Variants in RTKN2 observed in about 807,000 individuals in gnomAD.
The protein encoded by RTKN2 is rhotekin 2, also known as rhotekin-2.
RTKN2 carries 69 observed loss-of-function variants against 71.5 expected under a neutral mutation model. That is an observed-to-expected ratio of 0.96 (90% CI 0.79 to 1.18). The LOEUF is 1.18. RTKN2 is among the 50% of genes most tolerant of loss of function. RTKN2 has a pLI of 0.00. For missense variants in RTKN2, 724 were observed against 719.7 expected (o/e 1.01, Z -0.07); for synonymous variants, 236 against 236.5 (o/e 1.00, Z 0.02).
intron 6 of RTKN2, 103 bp downstream of exon 6, chr10:62,235,963 G>T: frequency 1.2e-6 from 1 of 846,458 alleles, no homozygotes; most frequent in Non-Finnish European, 1.8e-6. Context: ...TTTGTTTCCT[G>T]ATGTTTTTCC....
intron 2 of RTKN2, among the ~76,000 whole-genome samples, chr10:62,261,173 G>C (rs976054260): frequency 1.3e-5 from 2 of 152,178 alleles, no homozygotes; most frequent in African/African-American, 2.4e-5. Flanking sequence ...TATGCTAATG[G>C]AACAATTTCA....
chr10:62,214,105 GC>G (rs767832179), intron 9 of RTKN2, among the ~76,000 whole-genome samples: 10 of 151,638 alleles, frequency 6.6e-5, no homozygotes, highest in Non-Finnish European at 1.5e-4. Context: ...AATTAAGATG[GC>G]AATATTGCAA....
intron 5 of RTKN2, 64 bp from the exon 6 acceptor site, chr10:62,236,327 CTTTTA>C: frequency 9.5e-7 from 1 of 1,055,934 alleles, no homozygotes. Flanking sequence ...TTATACCATT[CTTTTA>C]TGTTTATGTA....
intron 10 of RTKN2, among the ~76,000 whole-genome samples, chr10:62,203,169 A>C (rs1465317226): frequency 6.6e-6 from 1 of 152,196 alleles, no homozygotes; most frequent in East Asian, 1.9e-4. Flanking sequence ...TCAAAAAATA[A>C]AAATAAAAAT....
chr10:62,205,134 T>C (rs1455197338), intron 9 of RTKN2, 112 bp from the exon 10 acceptor site: 11 of 773,772 alleles, frequency 1.4e-5, no homozygotes, highest in South Asian at 3.9e-5. Flanking sequence ...CATAATCTTA[T>C]TGCTGATCAT....
chr10:62,186,039 A>G (rs2393861), intron 8 of RTKN2, among the ~76,000 whole-genome samples: 2,139 of 152,354 alleles, frequency 0.014, 34 homozygotes, highest in African/African-American at 0.048. Context: ...GAAAGTAGCA[A>G]GGCTAGGATT....
At chr10:62,234,700 G>A (rs1227442145) in intron 6 of RTKN2, among the ~76,000 whole-genome samples, 3 of 151,942 alleles carry the variant, frequency 2.0e-5, no homozygotes, top group African/African-American at 7.3e-5. Context: ...CACGTTCTTT[G>A]CAAGAATTCC....
chr10:62,195,568 A>G lies in RTKN2; in HGVS notation c.*2340T>C, dbSNP rs1841307183. 1.7e-6 allele frequency: 1 copy of G among 596,272 alleles called. No homozygotes were observed. The highest frequency in any genetic ancestry group is 2.0e-5 in the African/African-American group (1 of 49,662). 36.9% of individuals were successfully genotyped at this position (596,272 alleles called of 1,614,324 possible). On this transcript the variant is annotated 3_prime_UTR_variant, in exon 12 of 12. Transcript: ENST00000373789. ...AAAGAAACAAAGACAAAAAGGAAGGAAGGAGGGAAGGAGGGAAGGAGAGAC... is the reference window on the plus strand; with the variant it reads ...AAAGAAACAAAGACAAAAAGGAAGGGAGGAGGGAAGGAGGGAAGGAGAGAC...
intron 3 of RTKN2, among the ~76,000 whole-genome samples, chr10:62,245,772 T>C (rs1010942444): frequency 2.6e-5 from 4 of 152,090 alleles, no homozygotes; most frequent in African/African-American, 9.7e-5. Flanking sequence ...AAGACTGCAC[T>C]AGGGAGAAAA....
At chr10:62,255,169 T>C (rs1842651911) in intron 2 of RTKN2, among the ~76,000 whole-genome samples, 1 of 152,220 alleles carries the variant, frequency 6.6e-6, no homozygotes, top group South Asian at 2.1e-4. Context: ...TAAGTAGGTT[T>C]ATTGTCAGTA....
In RTKN2 at chr10:62,259,184, T is replaced by A. The variant is rs889174187; in HGVS notation, c.257+3441A>T. 6 of 453,344 alleles carry A rather than the reference T, an allele frequency of 1.3e-5. No individual in the cohort carries two copies. In the Admixed American group the frequency reaches 1.4e-4, roughly 11 times the overall value. 28.1% of individuals were successfully genotyped at this position (453,344 alleles called of 1,614,324 possible). ...ACATGATCTCTTGCCTGCTGACATG[T>A]AAGAGATGACTTTGCTTCTCCTTCG... On this transcript the variant is annotated intron_variant, in intron 2 of 11. Transcript: ENST00000373789.
chr10:62,240,880 C>T (rs541803606), intron 4 of RTKN2, among the ~76,000 whole-genome samples: 1 of 152,138 alleles, frequency 6.6e-6, no homozygotes, highest in Non-Finnish European at 1.5e-5. Context: ...TCCCTTCCCC[C>T]GTTCCCACTC....
intron 7 of RTKN2, among the ~76,000 whole-genome samples, chr10:62,221,015 G>C (rs569634097): frequency 2.6e-5 from 4 of 151,398 alleles, no homozygotes; most frequent in Admixed American, 6.6e-5. Context: ...CTCACTAAAA[G>C]AAATTCTAAG....
chr10:62,258,140 CTG>C (rs1321175394), intron 2 of RTKN2, among the ~76,000 whole-genome samples: 1 of 152,138 alleles, frequency 6.6e-6, no homozygotes, highest in African/African-American at 2.4e-5. Flanking sequence ...GATTTCTTAA[CTG>C]TGGTTCCTCA....
rs572462875 is a variant in RTKN2, at chr10:62,235,806, T to C, written c.686+260A>G. 3.3e-5 allele frequency among the ~76,000 whole-genome samples: 5 copies of C among 152,100 alleles called. No homozygotes were observed. The East Asian group carries it at 9.6e-4, about 29-fold the overall frequency. The stretch of plus-strand genomic sequence containing the variant: ...CTGAAAAAGTCCAAATCTAAAACAC[T>C]TCTGGTCTGAAGGCTTTCAGATAAG... On this transcript the variant is annotated intron_variant, in intron 6 of 11. Transcript: ENST00000373789.
intron 3 of RTKN2, among the ~76,000 whole-genome samples, chr10:62,242,852 A>C (rs2133024314): frequency 1.3e-5 from 2 of 152,088 alleles, no homozygotes; most frequent in South Asian, 4.2e-4. Context: ...GTTGGTCTCG[A>C]ACTCCTGACC....
chr10:62,225,955 G>A (rs573337486), intron 6 of RTKN2, among the ~76,000 whole-genome samples: 119 of 151,778 alleles, frequency 7.8e-4, no homozygotes, highest in Non-Finnish European at 1.4e-3. Context: ...CTTATTTTTC[G>A]TATTTTTAGT....
chr10:62,238,745 C>T (rs1033971195), intron 5 of RTKN2: 1 of 151,748 alleles, frequency 6.6e-6, no homozygotes, highest in Non-Finnish European at 1.5e-5. Flanking sequence ...GACACTGGAC[C>T]AGAAGCTACA....
rs572494441 is a variant in RTKN2 at position 62,198,705 on chromosome 10, C to A, written c.1295-262G>T. ...TAACATACATATAATTTACATAATA[C>A]ATACACATGTATAAATATATTCCTA... On this transcript the variant is annotated intron_variant, in intron 11 of 11. Coordinates refer to ENST00000373789, the MANE Select transcript of RTKN2 (RefSeq NM_145307.4). Among the ~76,000 whole-genome samples, 3 of 152,030 alleles carry A rather than the reference C, an allele frequency of 2.0e-5. No individual in the cohort carries two copies. In the South Asian group the frequency reaches 6.2e-4, roughly 32 times the overall value.
Sources: allele counts gnomAD v4.1 joint callset (sites outside exome capture counted in the v4.1 genomes callset), GRCh38; gene constraint gnomAD v4.1.1; transcripts MANE v1.5; gene names NCBI Gene and HGNC (gene_info 2026-07-23, HGNC 2026-07-21).